The following EFHC1 variants were observed in gnomAD, a reference collection of about 807,000 sequenced individuals.
EFHC1 encodes the protein EF-hand domain containing 1, also known as EF-hand domain-containing protein 1.
EFHC1 carries 53 observed loss-of-function variants against 69.9 expected under a neutral mutation model. The ratio of observed to expected loss-of-function variants is 0.76; its 90% CI spans 0.61 to 0.95. EFHC1 has a LOEUF of 0.95. EFHC1 is among the 40% of genes least tolerant of loss of function. The pLI is 0.00. For synonymous variants in EFHC1, 256 were observed against 278.4 expected (o/e 0.92, Z 0.80); for missense variants, 739 against 798.7 (o/e 0.93, Z 0.90).
intron 3 of EFHC1, among the ~76,000 whole-genome samples, chr6:52,450,726 C>T (rs1033959755): frequency 6.6e-6 from 1 of 152,098 alleles, no homozygotes; most frequent in African/African-American, 2.4e-5. Flanking sequence ...CTCTTGAAGA[C>T]AGCATACCAT....
chr6:52,453,347 G>C (rs903739443), intron 4 of EFHC1: 1 of 1,287,224 alleles, frequency 7.8e-7, no homozygotes, highest in Non-Finnish European at 1.0e-6. Context: ...TTCCAACTCT[G>C]TTCCAACCTT....
In EFHC1 at chr6:52,466,309, C is replaced by T. The variant is rs572030253; in HGVS notation, c.1137+1194C>T. 4.6e-5 allele frequency among the ~76,000 whole-genome samples: 7 copies of T among 152,282 alleles called. No individual in the cohort carries two copies. In the South Asian group the frequency reaches 1.0e-3, roughly 23 times the overall value. Reference sequence around the variant, plus strand: ...CTCTTGCTTGCAGTTGGCCTCCAGTCGTACTGAGTTCTCTGGTTCTACCAG... The same window carrying T: ...CTCTTGCTTGCAGTTGGCCTCCAGTTGTACTGAGTTCTCTGGTTCTACCAG... On this transcript the variant is annotated intron_variant, in intron 6 of 10. Transcript: ENST00000371068.
Position 52,493,024 on chromosome 6 carries a change from G to T in EFHC1, c.*683G>T, listed in dbSNP as rs1188562913. 2 of 453,906 alleles carry T rather than the reference G, an allele frequency of 4.4e-6. No homozygotes were observed. Among genetic ancestry groups the T allele is most frequent in the African/African-American group, 4.0e-5 (2 of 49,968 alleles). The allele number at this position is 453,906 out of a possible 1,614,324, so 28.1% of individuals were successfully genotyped here. On this transcript the variant is annotated 3_prime_UTR_variant, in exon 11 of 11. Transcript: ENST00000371068. ...AGATAGTCCTCCCTAATGTGGGTGGGCCTCCTCCAATCATTTGAAGACATG... is the reference window on the plus strand; with the variant it reads ...AGATAGTCCTCCCTAATGTGGGTGGTCCTCCTCCAATCATTTGAAGACATG...
At chr6:52,469,115 A>G in intron 6 of EFHC1, 1 of 571,286 alleles carries the variant, frequency 1.8e-6, no homozygotes, top group Non-Finnish European at 3.0e-6. Flanking sequence ...GTTACTTTAG[A>G]GCATCATCAG....
At chr6:52,466,780 G>A (rs771554463) in intron 6 of EFHC1, among the ~76,000 whole-genome samples, 4 of 152,180 alleles carry the variant, frequency 2.6e-5, no homozygotes, top group Admixed American at 1.3e-4. Context: ...TTATAGAAAC[G>A]ATTACAAAGA....
At chr6:52,438,660 A>G in intron 3 of EFHC1, 69 bp downstream of exon 3, 3 of 1,535,240 alleles carry the variant, frequency 2.0e-6, no homozygotes, top group East Asian at 2.2e-5. Context: ...GATACATTTC[A>G]TTTATTAGGG....
intron 3 of EFHC1, among the ~76,000 whole-genome samples, chr6:52,450,450 A>C (rs981022326): frequency 7.2e-5 from 11 of 152,218 alleles, no homozygotes; most frequent in African/African-American, 2.7e-4. Flanking sequence ...GTCTCATTGT[A>C]GATATCTAAG....
intron 5 of EFHC1, among the ~76,000 whole-genome samples, chr6:52,457,212 A>G (rs1765063956): frequency 6.6e-6 from 1 of 152,244 alleles, no homozygotes; most frequent in African/African-American, 2.4e-5. Context: ...AAAATACACA[A>G]AGCTGTTAAG....
intron 2 of EFHC1, among the ~76,000 whole-genome samples, chr6:52,431,175 TTTTG>T (rs1015513863): frequency 2.0e-5 from 3 of 152,140 alleles, no homozygotes; most frequent in Non-Finnish European, 4.4e-5. Flanking sequence ...CTTTTGTTTT[TTTTG>T]TTTGTTTATT....
chr6:52,421,862 A>G (rs1764197757), intron 1 of EFHC1, among the ~76,000 whole-genome samples: 1 of 152,224 alleles, frequency 6.6e-6, no homozygotes. Context: ...TGGTGAGTAT[A>G]GACAGGGCTG....
At chr6:52,441,454 G>C (rs191049575) in intron 3 of EFHC1, among the ~76,000 whole-genome samples, 2 of 152,120 alleles carry the variant, frequency 1.3e-5, no homozygotes, top group East Asian at 3.9e-4. Flanking sequence ...CTATTCCATT[G>C]GTCTATGTGT....
rs1765050011 is a variant in EFHC1, at chr6:52,456,604, A to G, written c.916+2317A>G. On this transcript the variant is annotated intron_variant, in intron 5 of 10. Coordinates refer to ENST00000371068, the MANE Select transcript of EFHC1 (RefSeq NM_018100.4). ...ATGGAGAGGCAGCCTGGTGGCATAT[A>G]TAGGGTTCTTTTAAAAAGTAGGAAA... 1.3e-5 allele frequency among the ~76,000 whole-genome samples: 2 copies of G among 152,208 alleles called. 1 individual carries two copies. The highest frequency in any genetic ancestry group is 4.1e-4 in the South Asian group (2 of 4,832).
rs1562467402 is a variant in EFHC1 at position 52,493,249 on chromosome 6, A to G, written c.*908A>G. ...AGGCCTTTGGATTCAGACTGGAATT[A>G]TACCTTTAGCTCTCCTGGGTCTCCA... is the stretch of plus-strand genomic sequence containing the variant. On this transcript the variant is annotated 3_prime_UTR_variant, in exon 11 of 11. Transcript: ENST00000371068. 2.2e-6 allele frequency: 1 copy of G among 453,210 alleles called. No homozygotes were observed. The highest frequency in any genetic ancestry group is 2.4e-5 in the Admixed American group (1 of 42,510). The allele number at this position is 453,210 out of a possible 1,614,324, so 28.1% of individuals were successfully genotyped here. A position where few individuals can be genotyped will look rare whatever the true frequency, so the allele number is the denominator to read the frequency against.
At chr6:52,462,286 A>C (rs1488756403) in intron 5 of EFHC1, among the ~76,000 whole-genome samples, 1 of 152,028 alleles carries the variant, frequency 6.6e-6, no homozygotes, top group Non-Finnish European at 1.5e-5. Flanking sequence ...ACTCTAAAAA[A>C]AAGAGGTACT....
chr6:52,490,409 C>T, intron 10 of EFHC1, 59 bp downstream of exon 10: 1 of 1,418,692 alleles, frequency 7.0e-7, no homozygotes, highest in Non-Finnish European at 1.0e-6. Context: ...TCATTCTTTT[C>T]TAAAGGCAAT....
intron 1 of EFHC1, chr6:52,421,176 C>T (rs1342331314): frequency 1.2e-5 from 6 of 498,488 alleles, no homozygotes; most frequent in Non-Finnish European, 1.3e-5. Context: ...TTTCTTTCTC[C>T]GTTGCGGGTT....
chr6:52,460,543 T>A (rs774836868), intron 5 of EFHC1, among the ~76,000 whole-genome samples: 10 of 152,114 alleles, frequency 6.6e-5, no homozygotes, highest in Admixed American at 2.6e-4. Flanking sequence ...AGTAAAGTTG[T>A]AAAAATATAA....
At chr6:52,482,891 G>T (rs1276810325) in intron 9 of EFHC1, 3 of 398,424 alleles carry the variant, frequency 7.5e-6, no homozygotes, top group Non-Finnish European at 4.4e-6. Flanking sequence ...ATTTATATTT[G>T]ACTTGAATTC....
intron 9 of EFHC1, chr6:52,488,719 T>G (rs1005862884): frequency 6.6e-6 from 1 of 152,144 alleles, no homozygotes; most frequent in Non-Finnish European, 1.5e-5. Context: ...CTTTTCAGAG[T>G]TTCTTTAAAT....
Sources: gnomAD v4.1 joint callset for allele counts (sites outside exome capture counted in the v4.1 genomes callset) on GRCh38, gnomAD v4.1.1 for gene constraint, MANE v1.5 for transcripts, NCBI Gene and HGNC (gene_info 2026-07-23, HGNC 2026-07-21) for gene names.